The following OXTR variants were observed in gnomAD, a reference collection of about 807,000 sequenced individuals.
The protein encoded by OXTR is oxytocin receptor.
A neutral mutation model predicts 23.9 loss-of-function variants in OXTR; 19 were observed. That is an observed-to-expected ratio of 0.80 (90% CI 0.56 to 1.17). The LOEUF (loss-of-function observed/expected upper bound fraction) is 1.17, where lower values mean the gene tolerates loss of function less well. Among genes scored for constraint, OXTR ranks in the 50% most tolerant of loss-of-function variants. The pLI, the probability that OXTR is intolerant of heterozygous loss-of-function variation, is 0.00. For missense variants in OXTR, 500 were observed against 550.7 expected (o/e 0.91, Z 0.92); for synonymous variants, 278 against 250.5 (o/e 1.11, Z -1.04).
At position 8,768,332 on chromosome 3, in the gene OXTR, G is replaced by C. The variant is rs201451669; in HGVS notation, c.-142-3C>G. 1 of 1,185,568 alleles carries C rather than the reference G, an allele frequency of 8.4e-7. No homozygotes were observed. The highest frequency in any genetic ancestry group is 1.0e-6 in the Non-Finnish European group (1 of 953,138). 73.4% of individuals were successfully genotyped at this position (1,185,568 alleles called of 1,614,324 possible). The stretch of plus-strand genomic sequence containing the variant: ...CGGACGGATCTGCTGGGTCCACCCT[G>C]AAACAAACCGGGAGGGCCGTGAGGA... On this transcript the variant is annotated splice_region_variant and splice_polypyrimidine_tract_variant and intron_variant, in intron 2 of 3. Transcript: ENST00000316793. The surrounding 1 kb of genome is among the most constrained non-coding windows in gnomAD (Gnocchi z 5.4).
downstream of OXTR, among the ~76,000 whole-genome samples, chr3:8,749,338 C>A (rs1708217081): frequency 2.6e-5 from 4 of 152,198 alleles, no homozygotes; most frequent in South Asian, 8.3e-4. Flanking sequence ...CCACTTGGTT[C>A]TGATGCCCAA....
At position 8,762,843 on chromosome 3, in the gene OXTR, C is replaced by A. The variant is rs1708518826; in HGVS notation, c.922+4423G>T. The stretch of plus-strand genomic sequence containing the variant: ...AGTGATGGGGCGCTCCTTTCTTTTC[C>A]AGGTTGCCAGTTCTGTTTCAGACAG... On this transcript the variant is annotated intron_variant, in intron 3 of 3. Transcript: ENST00000316793. Among the ~76,000 whole-genome samples the A allele has an allele frequency of 2.0e-5, 3 of 152,200 alleles. No individual in the cohort carries two copies. In the South Asian group the frequency reaches 6.2e-4, roughly 32 times the overall value.
At chr3:8,753,436 C>A (rs1708312118) in intron 3 of OXTR, among the ~76,000 whole-genome samples, 1 of 152,226 alleles carries the variant, frequency 6.6e-6, no homozygotes, top group South Asian at 2.1e-4. Context: ...TCCAAACCCT[C>A]CCCACCAGGC....
chr3:8,753,590 G>C (rs926827970), intron 3 of OXTR, among the ~76,000 whole-genome samples: 1 of 152,172 alleles, frequency 6.6e-6, no homozygotes, highest in African/African-American at 2.4e-5. Flanking sequence ...ACAACTTCGA[G>C]TGTCTGCAAG....
chr3:8,767,595 T>C lies in OXTR; in HGVS notation c.593A>G (p.Lys198Arg). 6.2e-7 allele frequency: 1 copy of C among 1,613,444 alleles called. No individual in the cohort carries two copies. ...TAGCGTGATCCATGTGATGTAGGCCTTGGGTCCCCAGGGCTGGATGAAGAC... is the reference window on the plus strand; with the variant it reads ...TAGCGTGATCCATGTGATGTAGGCCCTGGGTCCCCAGGGCTGGATGAAGAC... ...WAVFIQPWGPKAYITWITLAV... is the reference protein window; with the variant it reads ...WAVFIQPWGPRAYITWITLAV... Residue 198 changes from lysine (K) to arginine (R), a missense_variant, in exon 3 of 4, where the codon AAG becomes AGG. Lys to Arg is a conservative substitution (Grantham distance 26, BLOSUM62 2). Coordinates refer to ENST00000316793, the MANE Select transcript of OXTR (RefSeq NM_000916.4).
chr3:8,745,655 G>T (rs112626848), downstream of OXTR: 2 of 1,614,072 alleles, frequency 1.2e-6, no homozygotes, highest in African/African-American at 1.3e-5. This position sits in a 1 kb window ranked among gnomAD's most constrained non-coding sequence, Gnocchi z 4.8. Flanking sequence ...GCTGCTGGGC[G>T]TCCCACTGGC....
At chr3:8,748,235 T>C (rs1033686642), downstream of OXTR, among the ~76,000 whole-genome samples, 4 of 152,246 alleles carry the variant, frequency 2.6e-5, no homozygotes, top group African/African-American at 9.6e-5. Context: ...ATGCTACAGA[T>C]GGCTCCCAAA....
At chr3:8,754,619 G>A (rs1008126955) in intron 3 of OXTR, among the ~76,000 whole-genome samples, 7 of 152,184 alleles carry the variant, frequency 4.6e-5, no homozygotes, top group African/African-American at 1.2e-4. Context: ...GTTTGTCAGC[G>A]AAGTCTTCAA....
the OXTR span, among the ~76,000 whole-genome samples, chr3:8,741,827 C>T: frequency 6.6e-6 from 1 of 152,194 alleles, no homozygotes. Flanking sequence ...CTACACCTTC[C>T]CCGCCCTCTC....
At position 8,769,490 on chromosome 3, in the gene OXTR, G is replaced by C. The variant is rs199676387; in HGVS notation, c.-498C>G. The C allele has an allele frequency of 1.3e-5, 2 of 152,334 alleles. No homozygotes were observed. Among genetic ancestry groups the C allele is most frequent in the Non-Finnish European group, 2.9e-5 (2 of 68,118 alleles). 9.4% of individuals were successfully genotyped at this position (152,334 alleles called of 1,614,324 possible). A position where few individuals can be genotyped will look rare whatever the true frequency, so the allele number is the denominator to read the frequency against. On this transcript the variant is annotated 5_prime_UTR_variant, in exon 1 of 4. Transcript: ENST00000316793. The stretch of plus-strand genomic sequence containing the variant: ...GCGCGCGCGGACAGCGTCTGGATGC[G>C]GCGCTGTGCGCTGGGGCTGAGGCTG...
At chr3:8,764,087 T>G (rs1708551573) in intron 3 of OXTR, among the ~76,000 whole-genome samples, 2 of 152,106 alleles carry the variant, frequency 1.3e-5, no homozygotes, top group Admixed American at 1.3e-4. Context: ...ATGAAGTTGC[T>G]CAAGGGAGAG....
At chr3:8,755,001 A>T (rs1559667375) in intron 3 of OXTR, among the ~76,000 whole-genome samples, 1 of 152,170 alleles carries the variant, frequency 6.6e-6, no homozygotes, top group African/African-American at 2.4e-5. Context: ...AATATTACTA[A>T]ATTCACTGGT....
chr3:8,755,499 T>A (rs2124997155), intron 3 of OXTR, among the ~76,000 whole-genome samples: 1 of 152,358 alleles, frequency 6.6e-6, no homozygotes, highest in African/African-American at 2.4e-5. Flanking sequence ...ATCCTATTTT[T>A]TAAAAAACTA....
In OXTR at chr3:8,766,819, T is replaced by C. The variant is rs553551095; in HGVS notation, c.922+447A>G. Among the ~76,000 whole-genome samples the C allele has an allele frequency of 1.1e-4, 17 of 152,292 alleles. No individual in the cohort carries two copies. In the South Asian group the frequency reaches 3.5e-3, roughly 32 times the overall value. On this transcript the variant is annotated intron_variant, in intron 3 of 3. Transcript: ENST00000316793. ...GATTTCTTGAACTTAAAGTGGAAGT[T>C]CATCTTAACGTGAACTTAAAGTTGA... is the stretch of plus-strand genomic sequence containing the variant.
At chr3:8,748,470 T>A (rs1446858826), downstream of OXTR, among the ~76,000 whole-genome samples, 3 of 152,184 alleles carry the variant, frequency 2.0e-5, no homozygotes, top group Non-Finnish European at 2.9e-5. Context: ...AGCCCATGCA[T>A]CTGTGCCGTA....
At chr3:8,743,631 C>G in the OXTR span, among the ~76,000 whole-genome samples, 7 of 152,196 alleles carry the variant, frequency 4.6e-5, no homozygotes, top group Non-Finnish European at 1.0e-4. Context: ...AACTGTGCTG[C>G]CTGCTGACAC....
chr3:8,754,049 C>T (rs1168731436), intron 3 of OXTR, among the ~76,000 whole-genome samples: 1 of 152,184 alleles, frequency 6.6e-6, no homozygotes, highest in Non-Finnish European at 1.5e-5. Flanking sequence ...CATGGCTGAC[C>T]AACTGAAAGC....
rs1205367488 is a variant in OXTR, at chr3:8,751,163, G to C, written c.*1814C>G. ...TGAGTATTTTTTCATGTGCTTAGTA[G>C]CCATTTGCATATCTTCTTTGGAGAA... On this transcript the variant is annotated 3_prime_UTR_variant, in exon 4 of 4. Transcript: ENST00000316793. 5 of 152,210 alleles carry C rather than the reference G, an allele frequency of 3.3e-5. No homozygotes were observed. Among genetic ancestry groups the C allele is most frequent in the Non-Finnish European group, 7.4e-5 (5 of 68,020 alleles). 9.4% of individuals were successfully genotyped at this position (152,210 alleles called of 1,614,324 possible).
chr3:8,755,997 G>A (rs1205817138), intron 3 of OXTR, among the ~76,000 whole-genome samples: 2 of 152,190 alleles, frequency 1.3e-5, no homozygotes, highest in African/African-American at 4.8e-5. Context: ...GAACCAGACA[G>A]GAGGATCTTA....
Sources: allele counts gnomAD v4.1 joint callset (sites outside exome capture counted in the v4.1 genomes callset), GRCh38; gene constraint gnomAD v4.1.1; non-coding constraint Gnocchi (gnomAD v3.1); transcripts MANE v1.5; gene names NCBI Gene and HGNC (gene_info 2026-07-23, HGNC 2026-07-21).